Variants in ABCG8 observed in about 807,000 individuals in gnomAD.
ABCG8 encodes ATP-binding cassette sub-family G member 8.
In ABCG8, 81 loss-of-function variants were observed where a neutral mutation model predicts 71.3. The ratio of observed to expected loss-of-function variants is 1.14; its 90% confidence interval spans 0.95 to 1.37. The LOEUF (loss-of-function observed/expected upper bound fraction) is 1.37, where lower values mean the gene tolerates loss of function less well. Among genes scored for constraint, ABCG8 ranks in the 40% most tolerant of loss-of-function variants. ABCG8 has a pLI of 0.00. For missense variants in ABCG8, 1,119 were observed against 866.2 expected, an observed-to-expected ratio of 1.29 and a Z score of -3.66; for synonymous variants, 451 against 354.7, an observed-to-expected ratio of 1.27 and a Z score of -3.05.
At chr2:43,844,730 T>A in intron 2 of ABCG8, 122 bp downstream of exon 2, 1 of 726,866 alleles carries the variant, frequency 1.4e-6, no homozygotes, top group Non-Finnish European at 2.5e-6. Context: ...CAGAGTCCAG[T>A]CCACATTGAT....
At position 43,874,009 on chromosome 2, in the gene ABCG8, G is replaced by A; in HGVS notation, c.1411+23G>A. ...AATGTGAGTGTGGCCCACTGGCATG[G>A]GCAGGCAGGACCTCAGCCACCTCCA... On this transcript the variant is annotated intron_variant, in intron 9 of 12. Transcript: ENST00000272286. 3 of 1,612,822 alleles carry A rather than the reference G, an allele frequency of 1.9e-6. No homozygotes were observed. In the South Asian group the frequency reaches 3.3e-5, roughly 18 times the overall value.
At chr2:43,863,257 A>G (rs1246614403) in intron 6 of ABCG8, among the ~76,000 whole-genome samples, 3 of 151,150 alleles carry the variant, frequency 2.0e-5, no homozygotes, top group Non-Finnish European at 4.4e-5. Context: ...CACCATCGGG[A>G]TAGAATTCTC....
At chr2:43,843,407 G>A (rs1668642207) in intron 1 of ABCG8, among the ~76,000 whole-genome samples, 1 of 152,182 alleles carries the variant, frequency 6.6e-6, no homozygotes, top group Non-Finnish European at 1.5e-5. Context: ...AAAAAATGGA[G>A]GTCAGACGAG....
At chr2:43,872,405 T>G (rs1366666188) in intron 8 of ABCG8, 99 bp downstream of exon 8, 5 of 1,359,086 alleles carry the variant, frequency 3.7e-6, no homozygotes, top group Admixed American at 2.0e-5. Context: ...AAGGAGAAAG[T>G]GAGAGGTAGA....
chr2:43,852,445 G>T lies in ABCG8; in HGVS notation c.653G>T (p.Arg218Leu), dbSNP rs143907686. 1.4e-5 allele frequency: 22 copies of T among 1,612,902 alleles called. No individual in the cohort carries two copies. The highest frequency in any genetic ancestry group is 1.7e-5 in the Non-Finnish European group (20 of 1,179,990). Residue 218 changes from arginine to leucine, a missense_variant, in exon 5 of 13, where the codon CGC (arginine) becomes CTC (leucine). Arg to Leu is a moderately radical substitution (Grantham distance 102). Coordinates refer to ENST00000272286, the MANE Select transcript of ABCG8 (RefSeq NM_022437.3). ...GTGCGGGGGTTGTCGGGGGGTGAGC[G>T]CAGGAGAGTCAGCATTGGGGTGCAG... ...MYVRGLSGGE[R>L]RRVSIGVQLL...
In ABCG8 at chr2:43,880,596, T is replaced by G. The variant is rs4245796; in HGVS notation, c.*2683T>G. On this transcript the variant is annotated 3_prime_UTR_variant, in exon 13 of 13. Transcript: ENST00000272286. ...CAAGGTTTTGGTGATAAGTATGCTCTTTGCTTGTGGAACATCTCTGCTCCC... is the reference window on the plus strand; with the variant it reads ...CAAGGTTTTGGTGATAAGTATGCTCGTTGCTTGTGGAACATCTCTGCTCCC... The G allele has an allele frequency of 1.3e-5, 2 of 152,202 alleles. No homozygotes were observed. Among genetic ancestry groups the G allele is most frequent in the African/African-American group, 2.4e-5 (1 of 41,544 alleles). 9.4% of individuals were successfully genotyped at this position (152,202 alleles called of 1,614,324 possible).
intron 5 of ABCG8, 37 bp from the exon 6 acceptor site, chr2:43,852,562 C>T (rs754790210): frequency 2.5e-6 from 4 of 1,613,986 alleles, no homozygotes; most frequent in Non-Finnish European, 3.4e-6. Flanking sequence ...TGGCCAGAGC[C>T]CCACCGACTC....
At chr2:43,864,668 A>G (rs574486772) in intron 6 of ABCG8, among the ~76,000 whole-genome samples, 2 of 145,618 alleles carry the variant, frequency 1.4e-5, no homozygotes, top group Admixed American at 1.4e-4. Context: ...GGAATTCTCA[A>G]TCTCTGCATA....
chr2:43,853,417 C>T (rs1300667527), intron 6 of ABCG8, among the ~76,000 whole-genome samples: 1 of 152,214 alleles, frequency 6.6e-6, no homozygotes, highest in Non-Finnish European at 1.5e-5. Context: ...CCGCTTCCTT[C>T]ATTCTGCAGG....
intron 1 of ABCG8, among the ~76,000 whole-genome samples, chr2:43,839,932 T>C (rs1440038927): frequency 6.6e-6 from 1 of 151,826 alleles, no homozygotes. Flanking sequence ...CTGGAAGGAG[T>C]AGAAGCAGCC....
intron 6 of ABCG8, among the ~76,000 whole-genome samples, chr2:43,869,989 A>G (rs889117684): frequency 4.6e-5 from 7 of 152,006 alleles, no homozygotes; most frequent in African/African-American, 1.4e-4. Flanking sequence ...AACTGTGACA[A>G]TCTATCTGGA....
In ABCG8 at chr2:43,852,654, C is replaced by T. The variant is rs747076631; in HGVS notation, c.750C>T (p.Asn250=). ...TSGLDSFTAH[N]LVKTLSRLAK... is the part of the protein sequence containing the mutation. Reference sequence around the variant, plus strand: ...GGCTCGACAGCTTCACAGCCCACAACCTGGTGAAGACCTTGTCCAGGCTGG... The same window carrying T: ...GGCTCGACAGCTTCACAGCCCACAATCTGGTGAAGACCTTGTCCAGGCTGG... The change falls in exon 6 of 13, where the codon AAC becomes AAT. Residue 250 remains asparagine (N), a synonymous_variant. Transcript: ENST00000272286. The T allele has an allele frequency of 6.2e-7, 1 of 1,614,154 alleles. No individual in the cohort carries two copies. Among genetic ancestry groups the T allele is most frequent in the Non-Finnish European group, 8.5e-7 (1 of 1,180,036 alleles).
Position 43,882,535 on chromosome 2 carries a change from TG to T in ABCG8, c.*4623del, listed in dbSNP as rs1670159770. On this transcript the variant is annotated 3_prime_UTR_variant, in exon 13 of 13. Transcript: ENST00000272286. ...GCAAAATATATCCAATGCTCACACC[TG>T]AGAGACAACAGACATCCTTATTTGT... The T allele has an allele frequency of 6.6e-6, 1 of 152,242 alleles. No individual in the cohort carries two copies. Among genetic ancestry groups the T allele is most frequent in the African/African-American group, 2.4e-5 (1 of 41,464 alleles). The allele number at this position is 152,242 out of a possible 1,614,324, so 9.4% of individuals were successfully genotyped here.
At chr2:43,864,888 A>G (rs1265351127) in intron 6 of ABCG8, among the ~76,000 whole-genome samples, 1 of 137,812 alleles carries the variant, frequency 7.3e-6, no homozygotes, top group Non-Finnish European at 1.6e-5. Context: ...CACTCTCTGG[A>G]TACAACTCTC....
At chr2:43,842,541 T>C (rs1202563197) in intron 1 of ABCG8, among the ~76,000 whole-genome samples, 2 of 152,010 alleles carry the variant, frequency 1.3e-5, no homozygotes, top group Admixed American at 1.3e-4. Flanking sequence ...CTTTGGCAAC[T>C]GGGGTTGAGG....
In ABCG8 at chr2:43,880,489, GT is replaced by G. The variant is rs1392175874; in HGVS notation, c.*2577del. ...GCACCTGGTGTCACAGGTTCATCTT[GT>G]ATTTTCCCATCTCAGCCCTGGAATC... On this transcript the variant is annotated 3_prime_UTR_variant, in exon 13 of 13. Transcript: ENST00000272286. The G allele has an allele frequency of 1.3e-5, 2 of 152,126 alleles. No homozygotes were observed. The highest frequency in any genetic ancestry group is 2.4e-5 in the African/African-American group (1 of 41,428). The allele number at this position is 152,126 out of a possible 1,614,324, so 9.4% of individuals were successfully genotyped here.
chr2:43,848,813 C>G lies in ABCG8; in HGVS notation c.322+2502C>G, dbSNP rs577970097. Among the ~76,000 whole-genome samples the G allele has an allele frequency of 4.0e-5, 6 of 151,720 alleles. No individual in the cohort carries two copies. In the East Asian group the frequency reaches 1.2e-3, roughly 29 times the overall value. On this transcript the variant is annotated intron_variant, in intron 3 of 12. Coordinates refer to ENST00000272286, the MANE Select transcript of ABCG8 (RefSeq NM_022437.3). Reference sequence around the variant, plus strand: ...AGTGGATCACCTGAGGTCAGGAGTTCGAGACCAGCCTGGCCAACATGGTGA... The same window carrying G: ...AGTGGATCACCTGAGGTCAGGAGTTGGAGACCAGCCTGGCCAACATGGTGA...
intron 2 of ABCG8, 95 bp downstream of exon 2, chr2:43,844,703 C>A (rs1205351618): frequency 4.4e-6 from 4 of 917,362 alleles, no homozygotes; most frequent in Non-Finnish European, 7.0e-6. Flanking sequence ...AACTTGCAGG[C>A]CCTCTGCCCG....
chr2:43,863,052 A>T (rs1247754110), intron 6 of ABCG8, among the ~76,000 whole-genome samples: 1 of 145,408 alleles, frequency 6.9e-6, no homozygotes, highest in East Asian at 2.0e-4. Flanking sequence ...TGTGGGTAGA[A>T]CTCTTACTAT....
Sources: gnomAD v4.1 joint callset for allele counts (sites outside exome capture counted in the v4.1 genomes callset) on GRCh38, gnomAD v4.1.1 for gene constraint, MANE v1.5 for transcripts, NCBI Gene and HGNC (gene_info 2026-07-23, HGNC 2026-07-21) for gene names.